LRP1B: variants seen among roughly 807,000 people sequenced by gnomAD.
The protein encoded by LRP1B is LDL receptor related protein 1B, also known as low-density lipoprotein receptor-related protein 1B.
Under a neutral mutation model 556.6 loss-of-function variants are expected in LRP1B, and 217 were observed. That is an observed-to-expected ratio of 0.39 (90% CI 0.35 to 0.44). The LOEUF (loss-of-function observed/expected upper bound fraction) is 0.44, where lower values mean the gene tolerates loss of function less well. LRP1B is among the 20% of genes least tolerant of loss of function. LRP1B has a pLI of 1.00. For synonymous variants in LRP1B, 2,047 were observed against 1,865.8 expected (o/e 1.10, Z -2.50); for missense variants, 5,053 against 5,620.8 (o/e 0.90, Z 3.23).
At chr2:140,825,955 C>G (rs1286750393) in intron 31 of LRP1B, among the ~76,000 whole-genome samples, 1 of 152,192 alleles carries the variant, frequency 6.6e-6, no homozygotes, top group Non-Finnish European at 1.5e-5. Flanking sequence ...GATGTGATAA[C>G]TATCTGCAAT....
chr2:141,594,922 A>G lies in LRP1B; in HGVS notation c.206-114389T>C, dbSNP rs369920764. Among the ~76,000 whole-genome samples the G allele has an allele frequency of 1.8e-4, 28 of 152,236 alleles. 1 individual carries two copies. The East Asian group carries it at 2.3e-3, about 13-fold the overall frequency. On this transcript the variant is annotated intron_variant, in intron 2 of 90. Coordinates refer to ENST00000389484, the MANE Select transcript of LRP1B (RefSeq NM_018557.3). ...CTGTAATTTCTAGTTTTCCTAAATT[A>G]TAGAAGTTTATGAACTATGAGAGAC...
chr2:142,031,333 T>TTTTTTTTA lies in LRP1B; in HGVS notation c.82+99314_82+99315insTAAAAAAA, dbSNP rs1553506169. On this transcript the variant is annotated intron_variant, in intron 1 of 90. Coordinates refer to ENST00000389484, the MANE Select transcript of LRP1B (RefSeq NM_018557.3). Reference sequence around the variant, plus strand: ...TAGAGAAAGGTTGATTATACTTATTTTTTTTTTTTTTTTTTATTATACTCT... The same window carrying TTTTTTTTA: ...TAGAGAAAGGTTGATTATACTTATTTTTTTTTTATTTTTTTTTTTTTTTATTATACTCT... 3.2e-4 allele frequency among the ~76,000 whole-genome samples: 43 copies of TTTTTTTTA among 133,360 alleles called. 6 individuals carry two copies. The East Asian group carries it at 7.5e-3, about 23-fold the overall frequency. The allele number at this position is 133,360 out of a possible 152,430, so 87.5% of individuals were successfully genotyped here. A position where few individuals can be genotyped will look rare whatever the true frequency, so the allele number is the denominator to read the frequency against.
chr2:141,810,239 G>A (rs2105706933), intron 2 of LRP1B, 40 bp downstream of exon 2: 1 of 1,601,592 alleles, frequency 6.2e-7, no homozygotes, highest in Non-Finnish European at 8.5e-7. Context: ...AGTTTCACAT[G>A]TAAGGTAAAT....
At chr2:140,595,649 C>A (rs1236845698) in intron 43 of LRP1B, among the ~76,000 whole-genome samples, 1 of 152,034 alleles carries the variant, frequency 6.6e-6, no homozygotes, top group South Asian at 2.1e-4. Flanking sequence ...TTTTAGCTGT[C>A]ATTTGTTTTT....
At chr2:140,831,363 A>T (rs1488148671) in intron 31 of LRP1B, among the ~76,000 whole-genome samples, 1 of 152,184 alleles carries the variant, frequency 6.6e-6, no homozygotes, top group Admixed American at 6.5e-5. Flanking sequence ...CTCAGAAATA[A>T]ATCCATACAC....
At chr2:141,093,796 C>T (rs746968974) in intron 7 of LRP1B, among the ~76,000 whole-genome samples, 7 of 151,862 alleles carry the variant, frequency 4.6e-5, no homozygotes, top group Non-Finnish European at 1.0e-4. Flanking sequence ...CTCACTGCAA[C>T]CTCCACCCCC....
chr2:141,449,311 T>C (rs1270462418), intron 3 of LRP1B, among the ~76,000 whole-genome samples: 2 of 152,184 alleles, frequency 1.3e-5, no homozygotes, highest in African/African-American at 4.8e-5. Flanking sequence ...ACTCTTGAAA[T>C]TGGCATTTGG....
chr2:140,693,959 C>G (rs1042309480), intron 41 of LRP1B, among the ~76,000 whole-genome samples: 1 of 152,190 alleles, frequency 6.6e-6, no homozygotes, highest in Non-Finnish European at 1.5e-5. Flanking sequence ...CCACCCACCT[C>G]AGCTCCCCAG....
chr2:141,548,985 C>T (rs1051415918), intron 2 of LRP1B, among the ~76,000 whole-genome samples: 1 of 151,970 alleles, frequency 6.6e-6, no homozygotes, highest in African/African-American at 2.4e-5. Flanking sequence ...GAAAGATATA[C>T]AGTTATCTAC....
chr2:140,710,935 A>C (rs1302251109), intron 37 of LRP1B, among the ~76,000 whole-genome samples: 2 of 152,086 alleles, frequency 1.3e-5, no homozygotes, highest in African/African-American at 4.8e-5. Context: ...AAGTAATGAC[A>C]TTAGTAATGT....
rs1189695862 is a variant in LRP1B, at chr2:140,506,881, G to A, written c.8436C>T (p.Cys2812=). The A allele has an allele frequency of 6.2e-7, 1 of 1,613,668 alleles. No homozygotes were observed. The highest frequency in any genetic ancestry group is 8.5e-7 in the Non-Finnish European group (1 of 1,179,888). The change falls in exon 53 of 91, where the codon TGC becomes TGT. Residue 2812 remains cysteine (C), a synonymous_variant. Transcript: ENST00000389484. ...GCTTGGGAATGCATACTTTATTATG[G>A]CACATGAAAGCATTTTCATCACATG... ...NNTCDENAFM[C]HNKVCIPKQF...
chr2:140,717,398 T>TGA (rs1331828054), intron 35 of LRP1B, among the ~76,000 whole-genome samples: 2 of 152,096 alleles, frequency 1.3e-5, no homozygotes, highest in African/African-American at 2.4e-5. Flanking sequence ...GTTTCTTAAA[T>TGA]GTCAACTACA....
At chr2:141,174,952 G>C (rs781057783) in intron 7 of LRP1B, among the ~76,000 whole-genome samples, 8 of 152,116 alleles carry the variant, frequency 5.3e-5, no homozygotes, top group Non-Finnish European at 1.0e-4. Context: ...CTGGGAACTA[G>C]AGTAAAGATC....
chr2:140,973,764 A>G (rs1031486281), intron 18 of LRP1B, among the ~76,000 whole-genome samples: 10 of 152,188 alleles, frequency 6.6e-5, no homozygotes, highest in Non-Finnish European at 1.5e-4. Flanking sequence ...ATAAAAATAC[A>G]TAACATAAAA....
intron 24 of LRP1B, among the ~76,000 whole-genome samples, chr2:140,884,804 C>T (rs1267550073): frequency 6.6e-6 from 1 of 152,128 alleles, no homozygotes; most frequent in Non-Finnish European, 1.5e-5. Flanking sequence ...CCTCAACTTC[C>T]AGGGCTCAGA....
rs375019661 is a variant in LRP1B at position 140,355,406 on chromosome 2, G to A, written c.11530+936C>T. ...GTCATCTTTCAGTCTCATAGTAATG[G>A]AACAATCAAATGTCACGAATAATCC... is the stretch of plus-strand genomic sequence containing the variant. On this transcript the variant is annotated intron_variant, in intron 75 of 90. Coordinates refer to ENST00000389484, the MANE Select transcript of LRP1B (RefSeq NM_018557.3). Among the ~76,000 whole-genome samples, 115 of 151,956 alleles carry A rather than the reference G, an allele frequency of 7.6e-4. No individual in the cohort carries two copies. The Middle Eastern group carries it at 0.038, about 50-fold the overall frequency.
At chr2:141,959,787 G>GA (rs1256345601) in intron 1 of LRP1B, among the ~76,000 whole-genome samples, 1 of 151,858 alleles carries the variant, frequency 6.6e-6, no homozygotes, top group East Asian at 1.9e-4. Flanking sequence ...ATCTCAATTA[G>GA]AATTAGGCAA....
intron 33 of LRP1B, among the ~76,000 whole-genome samples, chr2:140,773,063 C>G (rs1044055244): frequency 1.3e-5 from 2 of 152,062 alleles, no homozygotes; most frequent in African/African-American, 4.8e-5. Flanking sequence ...TGCACTACAG[C>G]TCAAGTAACA....
chr2:141,625,220 C>T (rs1021298494), intron 2 of LRP1B, among the ~76,000 whole-genome samples: 13 of 152,118 alleles, frequency 8.5e-5, no homozygotes, highest in Middle Eastern at 3.2e-3. Flanking sequence ...CTGATGAAGT[C>T]TTCAATAAGA....
Sources: gnomAD v4.1 joint callset for allele counts (sites outside exome capture counted in the v4.1 genomes callset) on GRCh38, gnomAD v4.1.1 for gene constraint, MANE v1.5 for transcripts, NCBI Gene and HGNC (gene_info 2026-07-23, HGNC 2026-07-21) for gene names.